VPS13C: variants seen among roughly 807,000 people sequenced by gnomAD.
The protein encoded by VPS13C is intermembrane lipid transfer protein VPS13C.
VPS13C carries 358 observed loss-of-function variants against 456.8 expected under a neutral mutation model. The observed-to-expected ratio is 0.78, with a 90% CI of 0.72 to 0.86. The LOEUF is 0.86. VPS13C is among the 40% of genes least tolerant of loss of function. The pLI is 0.00. For synonymous variants in VPS13C, 1,578 were observed against 1,486.7 expected (o/e 1.06, Z -1.41); for missense variants, 4,818 against 4,385.4 (o/e 1.10, Z -2.79).
intron 1 of VPS13C, among the ~76,000 whole-genome samples, chr15:62,048,822 T>A (rs938506444): frequency 7.2e-5 from 11 of 152,192 alleles, no homozygotes; most frequent in African/African-American, 2.2e-4. Context: ...GGTATCTCGT[T>A]GTGGTTTTGA....
chr15:62,037,274 ATATATTATATATAT>A (rs1304919279), intron 3 of VPS13C, among the ~76,000 whole-genome samples: 2 of 66,692 alleles, frequency 3.0e-5, no homozygotes, highest in Non-Finnish European at 5.2e-5. Context: ...ATATTATATA[ATATATTATATATAT>A]TATATTATAT....
chr15:61,998,992 T>C (rs28553330), intron 16 of VPS13C, among the ~76,000 whole-genome samples: 15,453 of 152,256 alleles, frequency 0.1, 1,646 homozygotes, highest in African/African-American at 0.27. Flanking sequence ...GTACAATACA[T>C]ATAACATCTA....
At chr15:61,938,573 T>G (rs1312070319) in intron 47 of VPS13C, among the ~76,000 whole-genome samples, 1 of 152,202 alleles carries the variant, frequency 6.6e-6, no homozygotes. Flanking sequence ...CCTGAGTTAA[T>G]AAGGATGCTT....
In VPS13C at chr15:61,940,536, C is replaced by T. The variant is rs999714761; in HGVS notation, c.5601+111G>A. On this transcript the variant is annotated intron_variant, in intron 47 of 84. Transcript: ENST00000644861. Reference sequence around the variant, plus strand: ...GCTCACTAAGAGAAAACTGGTTTAGCTTTATCAATAACGTAGCAACTCCTA... The same window carrying T: ...GCTCACTAAGAGAAAACTGGTTTAGTTTTATCAATAACGTAGCAACTCCTA... 4 of 1,092,198 alleles carry T rather than the reference C, an allele frequency of 3.7e-6. No individual in the cohort carries two copies. In the African/African-American group the frequency reaches 4.7e-5, roughly 13 times the overall value. 67.7% of individuals were successfully genotyped at this position (1,092,198 alleles called of 1,614,324 possible).
chr15:61,925,733 T>C (rs1057406396), intron 52 of VPS13C, among the ~76,000 whole-genome samples, 185 bp from the exon 53 acceptor site: 8 of 152,224 alleles, frequency 5.3e-5, no homozygotes, highest in African/African-American at 1.9e-4. Flanking sequence ...CTATGAGAAA[T>C]CTGTGAACAC....
At chr15:61,946,879 A>G (rs1302423229) in intron 43 of VPS13C, among the ~76,000 whole-genome samples, 2 of 152,084 alleles carry the variant, frequency 1.3e-5, no homozygotes, top group African/African-American at 4.8e-5. Context: ...CTTCTATAAT[A>G]AACTGTATTA....
intron 75 of VPS13C, among the ~76,000 whole-genome samples, chr15:61,876,053 A>T (rs1895400611): frequency 6.6e-6 from 1 of 152,072 alleles, no homozygotes; most frequent in South Asian, 2.1e-4. Flanking sequence ...AGACAGAACT[A>T]GGTTTGACGC....
chr15:61,950,415 T>C lies in VPS13C; in HGVS notation c.4539A>G (p.Ala1513=), dbSNP rs752049061. The C allele has an allele frequency of 1.9e-5, 31 of 1,610,520 alleles. No homozygotes were observed. In the South Asian group the frequency reaches 2.6e-4, roughly 14 times the overall value. The part of the protein sequence containing the change: ...EPLLKMLLTK[A]DSDGPEFKTI... The stretch of plus-strand genomic sequence containing the variant: ...TTTTAAATTCTGGTCCATCACTGTC[T>C]GCCTACAAATAGTGGAGAATTACAC... Residue 1513 remains alanine (A), a splice_region_variant and synonymous_variant, in exon 41 of 85, where the codon GCA becomes GCG. Transcript: ENST00000644861.
intron 41 of VPS13C, among the ~76,000 whole-genome samples, chr15:61,949,862 A>C (rs985579524): frequency 2.6e-5 from 4 of 152,220 alleles, no homozygotes; most frequent in Admixed American, 2.0e-4. Flanking sequence ...AAGATACAGG[A>C]AATATTATCA....
chr15:61,954,668 T>G, intron 37 of VPS13C, 114 bp from the exon 38 acceptor site: 12 of 1,008,154 alleles, frequency 1.2e-5, no homozygotes, highest in Non-Finnish European at 1.7e-5. Flanking sequence ...AATCCACGAA[T>G]TAGTAACAGC....
At chr15:61,907,148 G>A in intron 66 of VPS13C, 116 bp downstream of exon 66, 3 of 1,512,514 alleles carry the variant, frequency 2.0e-6, no homozygotes, top group Non-Finnish European at 2.7e-6. Context: ...TACTTTTTCT[G>A]GAAATACTTC....
chr15:61,931,686 T>C (rs1415136757), intron 49 of VPS13C, among the ~76,000 whole-genome samples: 1 of 151,604 alleles, frequency 6.6e-6, no homozygotes, highest in African/African-American at 2.4e-5. Context: ...TAAGCAATTC[T>C]CCGCCTCAGC....
chr15:61,878,897 AACCC>A (rs1895657680), intron 73 of VPS13C, 151 bp from the exon 74 acceptor site: 1 of 760,482 alleles, frequency 1.3e-6, no homozygotes, highest in African/African-American at 1.8e-5. Context: ...ATAGCAGAAC[AACCC>A]ACTTACATTT....
chr15:62,022,014 A>G (rs2047479767), intron 8 of VPS13C, among the ~76,000 whole-genome samples: 1 of 151,892 alleles, frequency 6.6e-6, no homozygotes, highest in Non-Finnish European at 1.5e-5. Context: ...TAGTATTCCA[A>G]TATGTATATA....
intron 9 of VPS13C, among the ~76,000 whole-genome samples, chr15:62,016,502 A>G (rs1288910237): frequency 7.2e-6 from 1 of 139,306 alleles, no homozygotes; most frequent in East Asian, 2.2e-4. Context: ...ATTCCCACCT[A>G]TGAGTGAGAA....
At position 61,969,419 on chromosome 15, in the gene VPS13C, C is replaced by G; in HGVS notation, c.2791G>C (p.Glu931Gln). 1 of 1,563,958 alleles carries G rather than the reference C, an allele frequency of 6.4e-7. No individual in the cohort carries two copies. The highest frequency in any genetic ancestry group is 1.2e-5 in the South Asian group (1 of 82,628). The change falls in exon 28 of 85, where the codon GAA becomes CAA. Residue 931 changes from glutamate (E) to glutamine (Q), a missense_variant. Transcript: ENST00000644861. ...ACATTAAATACTAGAATTGTATCTT[C>G]TTCTTTCTGCTGTTTAGTAAATTCC... ...ILEFTKQQKE[E>Q]DTILVFNVTQ...
chr15:61,938,534 G>A (rs1452928971), intron 47 of VPS13C, among the ~76,000 whole-genome samples: 3 of 152,222 alleles, frequency 2.0e-5, no homozygotes, highest in Non-Finnish European at 2.9e-5. Flanking sequence ...AAATTAGGCA[G>A]TGGTGGCCTC....
chr15:62,044,490 G>T lies in VPS13C; in HGVS notation c.101-235C>A, dbSNP rs74936380. Among the ~76,000 whole-genome samples the T allele has an allele frequency of 1.1e-3, 162 of 152,238 alleles. 3 individuals are homozygous for T. The East Asian group carries it at 0.022, about 21-fold the overall frequency. Reference sequence around the variant, plus strand: ...AAAGAAGTTATAACACATTAAACTAGCTAACATTTAAACAAACAATGGGAA... The same window carrying T: ...AAAGAAGTTATAACACATTAAACTATCTAACATTTAAACAAACAATGGGAA... On this transcript the variant is annotated intron_variant, in intron 1 of 84. Coordinates refer to ENST00000644861, the MANE Select transcript of VPS13C (RefSeq NM_020821.3).
At chr15:61,941,542 G>T (rs1442246265) in intron 46 of VPS13C, among the ~76,000 whole-genome samples, 1 of 151,922 alleles carries the variant, frequency 6.6e-6, no homozygotes, top group Non-Finnish European at 1.5e-5. Context: ...TTTATAGAAT[G>T]AAAAAAATCA....
Sources: gnomAD v4.1 joint callset for allele counts (sites outside exome capture counted in the v4.1 genomes callset) on GRCh38, gnomAD v4.1.1 for gene constraint, MANE v1.5 for transcripts, NCBI Gene and HGNC (gene_info 2026-07-23, HGNC 2026-07-21) for gene names.